The following ABAT variants were observed in gnomAD, a reference collection of about 807,000 sequenced individuals.
The protein encoded by ABAT is 4-aminobutyrate aminotransferase, also known as 4-aminobutyrate aminotransferase, mitochondrial.
In ABAT, 45 loss-of-function variants were observed where a neutral mutation model predicts 64.6. The observed-to-expected ratio is 0.70, with a 90% CI of 0.55 to 0.89. ABAT has a LOEUF of 0.89. ABAT is among the 40% of genes least tolerant of loss of function. The pLI, the probability that ABAT is intolerant of heterozygous loss-of-function variation, is 0.00. For synonymous variants in ABAT, 297 were observed against 250.5 expected (o/e 1.19, Z -1.75); for missense variants, 633 against 658.4 (o/e 0.96, Z 0.42).
rs572662581 is a variant in ABAT, at chr16:8,764,860, C to CAA, written c.540+31_540+32insAA. 7.5e-4 allele frequency: 1,173 copies of CAA among 1,573,396 alleles called. 9 individuals carry two copies. In the South Asian group the frequency reaches 0.012, roughly 16 times the overall value. On this transcript the variant is annotated intron_variant, in intron 8 of 15. Coordinates refer to ENST00000268251, the MANE Select transcript of ABAT (RefSeq NM_020686.6). This position sits in a 1 kb window ranked among gnomAD's most constrained non-coding sequence, Gnocchi z 4.2. ...GGTTTGGGGCACACACACACACACA[C>CAA]ACACAGGCTCCCCAGCACCCAGCCA...
intron 1 of ABAT, among the ~76,000 whole-genome samples, chr16:8,719,738 A>G (rs2058312362): frequency 1.3e-5 from 2 of 152,146 alleles, no homozygotes; most frequent in African/African-American, 2.4e-5. Context: ...CCCTGTCTAA[A>G]AAAAGAAGAA....
intron 1 of ABAT, among the ~76,000 whole-genome samples, chr16:8,710,727 A>AGAGAGAGAGAGGGAGGGAGAGGGAGG (rs146344975): frequency 1.9e-5 from 2 of 103,698 alleles, no homozygotes; most frequent in East Asian, 4.5e-4. Context: ...AGAGAGAGAG[A>AGAGAGAGAGAGGGAGGGAGAGGGAGG]GAGGAAATAG....
At chr16:8,699,536 T>C (rs112836454) in intron 1 of ABAT, among the ~76,000 whole-genome samples, 10,682 of 151,856 alleles carry the variant, frequency 0.07, 1,253 homozygotes, top group African/African-American at 0.24. Flanking sequence ...CCAGCCTGGG[T>C]GACTGACTGA....
chr16:8,719,108 G>C (rs576619855), intron 1 of ABAT, among the ~76,000 whole-genome samples: 5 of 152,120 alleles, frequency 3.3e-5, no homozygotes, highest in Non-Finnish European at 7.3e-5. Flanking sequence ...GCCTCCCCAC[G>C]GGAACACGAG....
intron 1 of ABAT, among the ~76,000 whole-genome samples, chr16:8,711,919 T>G (rs942356480): frequency 3.3e-5 from 5 of 152,090 alleles, no homozygotes; most frequent in African/African-American, 1.2e-4. Flanking sequence ...ACCTAGACTT[T>G]ATTGTCTTTA....
chr16:8,737,945 G>GAAGAAAGGAAGA (rs2059005061), intron 2 of ABAT, among the ~76,000 whole-genome samples: 1 of 7,816 alleles, frequency 1.3e-4, no homozygotes, highest in Non-Finnish European at 3.4e-4. Flanking sequence ...GAAAGGAAAG[G>GAAGAAAGGAAGA]AAGAAAGGAA....
chr16:8,724,851 C>T (rs1567286877), intron 1 of ABAT, among the ~76,000 whole-genome samples: 1 of 150,504 alleles, frequency 6.6e-6, no homozygotes, highest in African/African-American at 2.4e-5. Flanking sequence ...TGTCATTACT[C>T]TACACACACT....
At chr16:8,727,620 T>C (rs2058596696) in intron 1 of ABAT, among the ~76,000 whole-genome samples, 2 of 152,204 alleles carry the variant, frequency 1.3e-5, no homozygotes, top group African/African-American at 4.8e-5. Flanking sequence ...TTTATGTACA[T>C]ATCATGCTGA....
intron 1 of ABAT, among the ~76,000 whole-genome samples, chr16:8,733,057 G>A (rs1312422356): frequency 1.5e-4 from 22 of 146,576 alleles, no homozygotes; most frequent in African/African-American, 6.0e-4. Flanking sequence ...CGGATGGGGC[G>A]GCTGGCCGGG....
chr16:8,743,444 T>TATATATATAC lies in ABAT; in HGVS notation c.71-2556_71-2555insTATATATACA, dbSNP rs368568293. Reference sequence around the variant, plus strand: ...ACAGTTATATATATATATATATATATACACACATTTTATAATATATTATAT... The same window carrying TATATATATAC: ...ACAGTTATATATATATATATATATATATATATATACACACACATTTTATAATATATTATAT... On this transcript the variant is annotated intron_variant, in intron 2 of 15. Coordinates refer to ENST00000268251, the MANE Select transcript of ABAT (RefSeq NM_020686.6). Among the ~76,000 whole-genome samples, 157 of 117,670 alleles carry TATATATATAC rather than the reference T, an allele frequency of 1.3e-3. 5 individuals carry two copies. Among genetic ancestry groups the TATATATATAC allele is most frequent in the East Asian group, 8.0e-3 (35 of 4,350 alleles). 77.2% of individuals were successfully genotyped at this position (117,670 alleles called of 152,430 possible). A position where few individuals can be genotyped will look rare whatever the true frequency, so the allele number is the denominator to read the frequency against.
chr16:8,755,419 G>A (rs1390667148), intron 5 of ABAT, among the ~76,000 whole-genome samples: 1 of 152,226 alleles, frequency 6.6e-6, no homozygotes, highest in East Asian at 1.9e-4. Flanking sequence ...ACACATGAAA[G>A]TGAGGATGCA....
intron 1 of ABAT, among the ~76,000 whole-genome samples, chr16:8,696,671 G>A (rs1352468401): frequency 1.3e-5 from 2 of 152,086 alleles, no homozygotes; most frequent in Admixed American, 6.6e-5. Context: ...TGTGGTCCCT[G>A]AGCTCTGGCC....
intron 4 of ABAT, among the ~76,000 whole-genome samples, chr16:8,749,237 G>A (rs1345270493): frequency 2.0e-5 from 3 of 151,030 alleles, no homozygotes; most frequent in African/African-American, 7.3e-5. Flanking sequence ...ACAGGCACCC[G>A]CCTCCACACC....
At chr16:8,761,220 T>C (rs2059787747) in intron 6 of ABAT, among the ~76,000 whole-genome samples, 1 of 106,702 alleles carries the variant, frequency 9.4e-6, no homozygotes, top group Non-Finnish European at 2.0e-5. Context: ...CTCTCTGCCC[T>C]CTCACCTCGT....
At chr16:8,740,281 A>G (rs1232963279) in intron 2 of ABAT, among the ~76,000 whole-genome samples, 1 of 152,088 alleles carries the variant, frequency 6.6e-6, no homozygotes, top group African/African-American at 2.4e-5. Flanking sequence ...ATTATCTCAC[A>G]GTTTCTGCGG....
intron 2 of ABAT, chr16:8,736,041 G>A: frequency 5.7e-6 from 3 of 525,962 alleles, no homozygotes; most frequent in Non-Finnish European, 1.0e-5. Flanking sequence ...TGGCTGGGGA[G>A]GCCTCACAAT....
intron 1 of ABAT, among the ~76,000 whole-genome samples, chr16:8,691,212 T>G (rs567734981): frequency 6.6e-6 from 1 of 152,314 alleles, no homozygotes; most frequent in African/African-American, 2.4e-5. Flanking sequence ...GAGTACCCTC[T>G]CTGGGAACCC....
intron 1 of ABAT, among the ~76,000 whole-genome samples, chr16:8,689,965 C>G (rs925268938): frequency 2.0e-5 from 3 of 152,142 alleles, no homozygotes; most frequent in Non-Finnish European, 4.4e-5. Context: ...ATCCTAAGAA[C>G]AATAACAAGA....
intron 1 of ABAT, among the ~76,000 whole-genome samples, chr16:8,692,159 T>C (rs2057598399): frequency 6.6e-6 from 1 of 152,010 alleles, no homozygotes; most frequent in Admixed American, 6.6e-5. Context: ...GGTGGGAGGA[T>C]CACTTAAGGC....
Sources: gnomAD v4.1 joint callset for allele counts (sites outside exome capture counted in the v4.1 genomes callset) on GRCh38, gnomAD v4.1.1 for gene constraint, Gnocchi (gnomAD v3.1) non-coding constraint, MANE v1.5 for transcripts, NCBI Gene and HGNC (gene_info 2026-07-23, HGNC 2026-07-21) for gene names.